The following LAMA3 variants were observed in gnomAD, a reference collection of about 807,000 sequenced individuals.
The protein encoded by LAMA3 is laminin subunit alpha-3.
In LAMA3, 281 loss-of-function variants were observed where a neutral mutation model predicts 402.0. The ratio of observed to expected loss-of-function variants is 0.70; its 90% CI spans 0.63 to 0.77. LAMA3 has a LOEUF of 0.77. Ranked by LOEUF, LAMA3 falls within the 30% of genes least tolerant of loss-of-function variation. The pLI is 0.00. For synonymous variants in LAMA3, 1,431 were observed against 1,558.4 expected, an observed-to-expected ratio of 0.92 and a Z score of 1.93; for missense variants, 3,840 against 4,215.5, an observed-to-expected ratio of 0.91 and a Z score of 2.47.
chr18:23,748,994 T>A (rs568146840), intron 3 of LAMA3, among the ~76,000 whole-genome samples: 1 of 152,244 alleles, frequency 6.6e-6, no homozygotes, highest in Admixed American at 6.5e-5. Context: ...TTCCCCTTTA[T>A]GCAGAATTAG....
rs369896333 is a variant in LAMA3 at position 23,784,076 on chromosome 18, C to T, written c.1522C>T (p.Arg508Trp). The T allele has an allele frequency of 5.1e-5, 82 of 1,614,064 alleles. No individual in the cohort carries two copies. The Middle Eastern group carries it at 6.6e-4, about 13-fold the overall frequency. Reference sequence around the variant, plus strand: ...CCCTGAAATATGTGATGCCCACGGACGGTGCCTGTGCCGCCCTGGGGTTGA... The same window carrying T: ...CCCTGAAATATGTGATGCCCACGGATGGTGCCTGTGCCGCCCTGGGGTTGA... ...VLPEICDAHG[R>W]CLCRPGVEGP... is the part of the protein sequence containing the mutation. Residue 508 changes from arginine to tryptophan, a missense_variant, in exon 12 of 75, where the codon CGG becomes TGG. This residue lies in a region of LAMA3 where 2,109 missense variants were observed against 2,376.0 expected (regional missense o/e 0.89). Transcript: ENST00000313654.
chr18:23,915,248 C>T, intron 58 of LAMA3, 41 bp from the exon 59 acceptor site: 1 of 1,605,542 alleles, frequency 6.2e-7, no homozygotes, highest in African/African-American at 1.3e-5. Flanking sequence ...TGATTATTGT[C>T]CTTTGTTCAA....
intron 19 of LAMA3, among the ~76,000 whole-genome samples, chr18:23,821,454 T>C (rs2063284114): frequency 6.6e-6 from 1 of 152,144 alleles, no homozygotes; most frequent in Non-Finnish European, 1.5e-5. Context: ...AACAAAGAAG[T>C]TGGGGGAAAT....
At chr18:23,769,018 GA>G (rs2062138788) in intron 8 of LAMA3, among the ~76,000 whole-genome samples, 3 of 152,194 alleles carry the variant, frequency 2.0e-5, no homozygotes, top group African/African-American at 7.2e-5. Context: ...GACAAGGGTC[GA>G]AAAACTAACT....
chr18:23,730,317 T>A (rs1472792922), intron 2 of LAMA3, among the ~76,000 whole-genome samples: 1 of 152,012 alleles, frequency 6.6e-6, no homozygotes, highest in Non-Finnish European at 1.5e-5. Flanking sequence ...TTTCTTTCCA[T>A]CCTTATACAC....
rs1339424409 is a variant in LAMA3 at position 23,842,661 on chromosome 18, G to A, written c.3514G>A (p.Val1172Met). Residue 1172 changes from valine (V) to methionine (M), a missense_variant, in exon 29 of 75, where the codon GTG becomes ATG. Around this residue, in one of 3 missense-constraint regions of LAMA3, gnomAD observed 2,109 missense variants for 2,376.0 expected, o/e 0.89. Transcript: ENST00000313654. ...CCATGTGCTTGGCTGCCGGGATCAA[G>A]TGATTGCCGAAGGCCAGATTGAGTT... ...CPHVLGCRDQ[V>M]IAEGQIEFDI... 6.2e-7 allele frequency: 1 copy of A among 1,614,200 alleles called. No individual in the cohort carries two copies. Among genetic ancestry groups the A allele is most frequent in the Admixed American group, 1.7e-5 (1 of 60,028 alleles).
chr18:23,711,473 A>G (rs1335658789), intron 1 of LAMA3, among the ~76,000 whole-genome samples: 1 of 152,242 alleles, frequency 6.6e-6, no homozygotes, highest in Admixed American at 6.5e-5. Flanking sequence ...ATGATTCTAA[A>G]TGAAAGAGAC....
intron 34 of LAMA3, among the ~76,000 whole-genome samples, chr18:23,859,494 A>G (rs2064164075): frequency 1.3e-5 from 2 of 152,198 alleles, no homozygotes; most frequent in Non-Finnish European, 2.9e-5. Flanking sequence ...GGGGGTTCCC[A>G]CAGCCCACTC....
intron 19 of LAMA3, 58 bp from the exon 20 acceptor site, chr18:23,822,194 G>A: frequency 1.9e-6 from 3 of 1,596,866 alleles, no homozygotes; most frequent in South Asian, 1.1e-5. Context: ...TCACTGTTTG[G>A]CTAGCATGTC....
At chr18:23,819,061 A>G (rs1228301782) in intron 18 of LAMA3, among the ~76,000 whole-genome samples, 5 of 152,198 alleles carry the variant, frequency 3.3e-5, no homozygotes, top group Non-Finnish European at 7.3e-5. Flanking sequence ...AGTTGTAAGC[A>G]TTCCTAATTC....
intron 2 of LAMA3, among the ~76,000 whole-genome samples, chr18:23,721,458 C>A (rs2061211710): frequency 6.6e-6 from 1 of 152,130 alleles, no homozygotes; most frequent in Non-Finnish European, 1.5e-5. Flanking sequence ...ATGGAAGATT[C>A]TGTGTGGGAG....
At chr18:23,715,152 G>C (rs999301364) in intron 2 of LAMA3, among the ~76,000 whole-genome samples, 3 of 152,166 alleles carry the variant, frequency 2.0e-5, no homozygotes, top group African/African-American at 4.8e-5. Flanking sequence ...TTTTTGGAGA[G>C]AGGGTGATGA....
Position 23,776,029 on chromosome 18 carries a change from ATGGGGCCAGG to A in LAMA3, c.1405+111_1405+120del, listed in dbSNP as rs1661190022. On this transcript the variant is annotated intron_variant, in intron 10 of 74. Transcript: ENST00000313654. ...GACAGGTAGGGAAGGAGAGACAGAA[ATGGGGCCAGG>A]TGGGTTGTATTTATGTAAAAGTGTT... The A allele has an allele frequency of 5.0e-6, 6 of 1,189,960 alleles. No homozygotes were observed. The Admixed American group carries it at 1.0e-4, about 20-fold the overall frequency. 73.7% of individuals were successfully genotyped at this position (1,189,960 alleles called of 1,614,324 possible). A position where few individuals can be genotyped will look rare whatever the true frequency, so the allele number is the denominator to read the frequency against.
intron 70 of LAMA3, among the ~76,000 whole-genome samples, chr18:23,947,920 T>A (rs2082766198): frequency 6.6e-6 from 1 of 151,406 alleles, no homozygotes; most frequent in Non-Finnish European, 1.5e-5. Flanking sequence ...CACACCATTC[T>A]CCTTCCTCAG....
chr18:23,913,503 C>G (rs1170205877), intron 56 of LAMA3, among the ~76,000 whole-genome samples: 1 of 152,194 alleles, frequency 6.6e-6, no homozygotes, highest in Non-Finnish European at 1.5e-5. Flanking sequence ...TTTAATCCCT[C>G]CTTTTAAAAT....
At chr18:23,756,430 A>G (rs866629400) in intron 6 of LAMA3, among the ~76,000 whole-genome samples, 1 of 128,660 alleles carries the variant, frequency 7.8e-6, no homozygotes, top group Non-Finnish European at 1.7e-5. Flanking sequence ...ATGCGGGGAC[A>G]CCCCCGCCGC....
chr18:23,751,331 G>C (rs989174246), intron 5 of LAMA3, among the ~76,000 whole-genome samples: 2 of 152,076 alleles, frequency 1.3e-5, no homozygotes, highest in African/African-American at 4.8e-5. Context: ...TAGTCAGCCT[G>C]GTACTAGTCT....
intron 66 of LAMA3, chr18:23,932,573 G>T: frequency 2.6e-6 from 1 of 378,094 alleles, no homozygotes; most frequent in Non-Finnish European, 5.0e-6. Context: ...AGTATTCACT[G>T]GAATTTTATT....
intron 36 of LAMA3, 79 bp from the exon 37 acceptor site, chr18:23,867,755 A>T: frequency 9.1e-7 from 1 of 1,099,664 alleles, no homozygotes; most frequent in Non-Finnish European, 1.4e-6. Context: ...TAGACCATAG[A>T]AATGTTTTCT....
Sources: allele counts gnomAD v4.1 joint callset (sites outside exome capture counted in the v4.1 genomes callset), GRCh38; gene constraint gnomAD v4.1.1; regional missense constraint gnomAD v4.1.1; transcripts MANE v1.5; gene names NCBI Gene and HGNC (gene_info 2026-07-23, HGNC 2026-07-21).